Variants in CLIC5 observed in about 807,000 individuals in gnomAD.
CLIC5 encodes chloride intracellular channel protein 5.
Under a neutral mutation model 24.7 loss-of-function variants are expected in CLIC5, and 20 were observed. The observed-to-expected ratio is 0.81, with a 90% CI of 0.57 to 1.18. The LOEUF is 1.18. Ranked by LOEUF, CLIC5 falls within the 50% of genes most tolerant of loss-of-function variation. CLIC5 has a pLI of 0.00. For synonymous variants in CLIC5, 159 were observed against 135.6 expected (o/e 1.17, Z -1.20); for missense variants, 341 against 326.1 (o/e 1.05, Z -0.35).
At chr6:45,967,585 T>C (rs1765058324) in intron 1 of CLIC5, among the ~76,000 whole-genome samples, 1 of 152,262 alleles carries the variant, frequency 6.6e-6, no homozygotes, top group Non-Finnish European at 1.5e-5. Flanking sequence ...AATGCAGGTG[T>C]ATTAGGCTGT....
At chr6:45,925,682 A>C (rs1480278315) in intron 4 of CLIC5, among the ~76,000 whole-genome samples, 1 of 152,234 alleles carries the variant, frequency 6.6e-6, no homozygotes, top group East Asian at 1.9e-4. Context: ...TGTTGAAAGA[A>C]TAAGCCGTTC....
At chr6:45,975,014 G>A (rs1460293678) in intron 1 of CLIC5, among the ~76,000 whole-genome samples, 1 of 152,160 alleles carries the variant, frequency 6.6e-6, no homozygotes, top group African/African-American at 2.4e-5. Flanking sequence ...AAGAATTGTA[G>A]ACCTATATAT....
intron 1 of CLIC5, among the ~76,000 whole-genome samples, chr6:46,043,073 C>T (rs1475041924): frequency 1.3e-5 from 2 of 152,156 alleles, no homozygotes; most frequent in Non-Finnish European, 2.9e-5. Flanking sequence ...CCTTCTGATT[C>T]TACATAGCCC....
upstream of CLIC5, among the ~76,000 whole-genome samples, chr6:46,082,343 C>T (rs547655055): frequency 7.9e-5 from 12 of 152,326 alleles, no homozygotes; most frequent in African/African-American, 1.9e-4. Flanking sequence ...ACACATCTAT[C>T]ATGATCTACA....
rs1016867956 is a variant in CLIC5 at position 45,898,757 on chromosome 6, C to A, written c.*4331G>T. On this transcript the variant is annotated 3_prime_UTR_variant, in exon 6 of 6. Transcript: ENST00000339561. ...CTCCCCAGCTTATAAAATAGGACAA[C>A]GAGGTGGCCAGGAAAGTAAGACAAA... 10 of 152,494 alleles carry A rather than the reference C, an allele frequency of 6.6e-5. No homozygotes were observed. The highest frequency in any genetic ancestry group is 2.4e-4 in the African/African-American group (10 of 41,410). The allele number at this position is 152,494 out of a possible 1,614,324, so 9.4% of individuals were successfully genotyped here.
At chr6:45,911,781 A>G (rs1054676151) in intron 5 of CLIC5, 2 of 985,322 alleles carry the variant, frequency 2.0e-6, no homozygotes, top group Non-Finnish European at 2.4e-6. Flanking sequence ...CTAGGCAAGG[A>G]TCCCAGTGAG....
the CLIC5 span, among the ~76,000 whole-genome samples, chr6:46,114,724 G>A: frequency 6.6e-6 from 1 of 152,144 alleles, no homozygotes; most frequent in African/African-American, 2.4e-5. Context: ...AATTGCTATT[G>A]TTTAAAGCCT....
intron 1 of CLIC5, among the ~76,000 whole-genome samples, chr6:46,035,741 T>C (rs1402121700): frequency 6.7e-6 from 1 of 149,702 alleles, no homozygotes; most frequent in Non-Finnish European, 1.5e-5. Context: ...TTTTCTTTTT[T>C]CTTTTATTTT....
intron 1 of CLIC5, among the ~76,000 whole-genome samples, chr6:46,064,555 A>C (rs1019872958): frequency 6.6e-6 from 1 of 152,202 alleles, no homozygotes; most frequent in Non-Finnish European, 1.5e-5. Flanking sequence ...AACATTCTAC[A>C]TATCAACAAC....
chr6:46,112,866 G>C, the CLIC5 span, among the ~76,000 whole-genome samples: 2 of 152,138 alleles, frequency 1.3e-5, no homozygotes, highest in Non-Finnish European at 2.9e-5. Flanking sequence ...AGAACAGCCT[G>C]GCCAACATGG....
chr6:46,126,585 G>C, the CLIC5 span, among the ~76,000 whole-genome samples: 1 of 152,154 alleles, frequency 6.6e-6, no homozygotes, highest in Admixed American at 6.5e-5. Flanking sequence ...TAGGTGAAAA[G>C]TTTTCACCAA....
chr6:45,976,214 A>C (rs1040904713), intron 1 of CLIC5, among the ~76,000 whole-genome samples: 1 of 152,238 alleles, frequency 6.6e-6, no homozygotes, highest in African/African-American at 2.4e-5. Context: ...AATGGAATAA[A>C]TGGTAAATAG....
chr6:45,996,495 C>A (rs954299667), intron 1 of CLIC5, among the ~76,000 whole-genome samples: 2 of 152,128 alleles, frequency 1.3e-5, no homozygotes, highest in African/African-American at 4.8e-5. Flanking sequence ...AAGTTTAAGT[C>A]TTTAATCCAT....
intron 1 of CLIC5, among the ~76,000 whole-genome samples, chr6:45,997,028 C>A (rs1300994710): frequency 6.6e-6 from 1 of 152,148 alleles, no homozygotes; most frequent in Admixed American, 6.5e-5. Context: ...GACTATAAAT[C>A]ATGCTGCTAT....
chr6:45,967,171 AT>A (rs1765043838), intron 1 of CLIC5, among the ~76,000 whole-genome samples: 1 of 152,200 alleles, frequency 6.6e-6, no homozygotes, highest in African/African-American at 2.4e-5. Flanking sequence ...AGCAAGCTGT[AT>A]CTCCACTCTC....
intron 1 of CLIC5, among the ~76,000 whole-genome samples, chr6:45,958,965 CTACA>C (rs146375260): frequency 0.84 from 126,923 of 151,012 alleles, 53,952 homozygotes; most frequent in Non-Finnish European, 0.9. Flanking sequence ...TGCATACATA[CTACA>C]TACATACATA....
chr6:46,013,892 C>T (rs185837785), intron 1 of CLIC5, among the ~76,000 whole-genome samples: 166 of 152,288 alleles, frequency 1.1e-3, no homozygotes, highest in Middle Eastern at 3.4e-3. Flanking sequence ...TAAAGCTCTC[C>T]CTATTCACCC....
intron 1 of CLIC5, among the ~76,000 whole-genome samples, chr6:45,974,518 TATATAGAGAGAGAGAG>T (rs1437099162): frequency 3.2e-4 from 27 of 84,120 alleles, no homozygotes; most frequent in African/African-American, 1.0e-3. Context: ...TATATATATA[TATATAGAGAGAGAGAG>T]AGAGAGAGAG....
chr6:45,971,625 A>G (rs956181713), intron 1 of CLIC5, among the ~76,000 whole-genome samples: 1 of 152,182 alleles, frequency 6.6e-6, no homozygotes, highest in Non-Finnish European at 1.5e-5. Flanking sequence ...TTGTTTTTTG[A>G]TGGAGCCTCA....
Sources: gnomAD v4.1 joint callset for allele counts (sites outside exome capture counted in the v4.1 genomes callset) on GRCh38, gnomAD v4.1.1 for gene constraint, MANE v1.5 for transcripts, NCBI Gene and HGNC (gene_info 2026-07-23, HGNC 2026-07-21) for gene names.